DKK2: variants seen among roughly 807,000 people sequenced by gnomAD.
DKK2 encodes the protein dickkopf-related protein 2.
A neutral mutation model predicts 28.1 loss-of-function variants in DKK2; 11 were observed. The ratio of observed to expected loss-of-function variants is 0.39; its 90% confidence interval spans 0.25 to 0.65. The LOEUF (loss-of-function observed/expected upper bound fraction) is 0.65. DKK2 is among the 30% of genes least tolerant of loss of function. DKK2 has a pLI of 0.47. For missense variants in DKK2, 326 were observed against 335.5 expected, an observed-to-expected ratio of 0.97 and a Z score of 0.22; for synonymous variants, 135 against 126.5, an observed-to-expected ratio of 1.07 and a Z score of -0.45.
intron 1 of DKK2, among the ~76,000 whole-genome samples, chr4:106,948,262 ACAC>A (rs1291447752): frequency 3.3e-5 from 5 of 152,176 alleles, no homozygotes; most frequent in Non-Finnish European, 5.9e-5. Context: ...GCATGTTAAA[ACAC>A]AGGTTGCAGG....
intron 1 of DKK2, among the ~76,000 whole-genome samples, chr4:106,983,533 A>C (rs1723065973): frequency 6.6e-6 from 1 of 152,202 alleles, no homozygotes; most frequent in Non-Finnish European, 1.5e-5. Context: ...GGAAATTAAG[A>C]CTAGGCAGAA....
intron 1 of DKK2, among the ~76,000 whole-genome samples, chr4:106,970,265 GAGAT>G (rs1338572538): frequency 2.0e-5 from 3 of 152,188 alleles, no homozygotes; most frequent in Admixed American, 1.3e-4. Flanking sequence ...TTTAATTAAG[GAGAT>G]AGATAAGCAC....
At chr4:106,935,215 C>A (rs910943055) in intron 1 of DKK2, among the ~76,000 whole-genome samples, 5 of 152,280 alleles carry the variant, frequency 3.3e-5, no homozygotes, top group Admixed American at 2.6e-4. Context: ...GGGTTCATCT[C>A]ACTAGGGAGT....
At chr4:106,948,951 A>G (rs1724818962) in intron 1 of DKK2, among the ~76,000 whole-genome samples, 1 of 152,194 alleles carries the variant, frequency 6.6e-6, no homozygotes, top group Non-Finnish European at 1.5e-5. Flanking sequence ...AATGTATTGA[A>G]GTGCCTGGGA....
intron 1 of DKK2, among the ~76,000 whole-genome samples, chr4:106,928,954 T>C (rs1724462702): frequency 6.6e-6 from 1 of 152,140 alleles, no homozygotes; most frequent in African/African-American, 2.4e-5. Context: ...ACAGTAGTTG[T>C]GGATGACCCT....
At chr4:106,934,084 CACAT>C (rs1458754904) in intron 1 of DKK2, among the ~76,000 whole-genome samples, 13 of 151,108 alleles carry the variant, frequency 8.6e-5, no homozygotes, top group African/African-American at 3.2e-4. Flanking sequence ...CACACACACA[CACAT>C]ATGTATGTAT....
At chr4:106,964,157 T>C (rs892511444) in intron 1 of DKK2, among the ~76,000 whole-genome samples, 6 of 152,162 alleles carry the variant, frequency 3.9e-5, no homozygotes, top group East Asian at 1.9e-4. Flanking sequence ...ATTAATACAA[T>C]AGAAGATTAT....
At chr4:106,933,434 G>T (rs953955445) in intron 1 of DKK2, among the ~76,000 whole-genome samples, 2 of 152,160 alleles carry the variant, frequency 1.3e-5, no homozygotes, top group Non-Finnish European at 2.9e-5. Context: ...TGGTGGTGTT[G>T]AGAATTTCTA....
intron 1 of DKK2, among the ~76,000 whole-genome samples, chr4:106,933,259 C>T (rs1724528605): frequency 6.6e-6 from 1 of 152,178 alleles, no homozygotes; most frequent in African/African-American, 2.4e-5. Flanking sequence ...AATGCCTGGT[C>T]TGTATAAAAT....
chr4:106,946,851 C>T (rs1157567990), intron 1 of DKK2, among the ~76,000 whole-genome samples: 1 of 151,998 alleles, frequency 6.6e-6, no homozygotes, highest in Non-Finnish European at 1.5e-5. Flanking sequence ...GGTGCTCTAC[C>T]TTCTGCTCCT....
chr4:106,990,339 A>G (rs2110361428), intron 1 of DKK2, among the ~76,000 whole-genome samples: 1 of 152,356 alleles, frequency 6.6e-6, no homozygotes, highest in East Asian at 1.9e-4. Flanking sequence ...GTCTGAGGTG[A>G]CCTGAGCAGG....
intron 1 of DKK2, among the ~76,000 whole-genome samples, chr4:106,934,556 C>T (rs977647171): frequency 1.3e-5 from 2 of 152,154 alleles, no homozygotes; most frequent in African/African-American, 4.8e-5. Context: ...ATACACAATG[C>T]ATTGTTTTTA....
intron 1 of DKK2, among the ~76,000 whole-genome samples, chr4:107,009,743 C>T (rs1723489534): frequency 6.6e-6 from 1 of 151,788 alleles, no homozygotes; most frequent in Non-Finnish European, 1.5e-5. Flanking sequence ...TACACAAGCC[C>T]TCACTTTGAC....
At chr4:107,007,300 T>C (rs1723451357) in intron 1 of DKK2, among the ~76,000 whole-genome samples, 1 of 152,112 alleles carries the variant, frequency 6.6e-6, no homozygotes, top group South Asian at 2.1e-4. Context: ...CATATGGTCC[T>C]AAACATTTTA....
At chr4:107,019,362 C>G (rs1723658902) in intron 1 of DKK2, among the ~76,000 whole-genome samples, 1 of 151,946 alleles carries the variant, frequency 6.6e-6, no homozygotes, top group South Asian at 2.1e-4. Context: ...TGCCCAAAAC[C>G]TATATGGTCA....
At chr4:106,941,189 AC>A (rs1176783298) in intron 1 of DKK2, among the ~76,000 whole-genome samples, 2 of 152,154 alleles carry the variant, frequency 1.3e-5, no homozygotes, top group Non-Finnish European at 2.9e-5. Flanking sequence ...ACAGAACTCT[AC>A]CTAACTGATC....
Position 106,925,708 on chromosome 4 carries a change from G to A in DKK2, c.373+91C>T. The stretch of plus-strand genomic sequence containing the variant: ...CTACCAGGCTTCTTATATTTCAGGA[G>A]TCTGAGTAAGGAGACGATAGCCTGA... On this transcript the variant is annotated intron_variant, in intron 2 of 3. Coordinates refer to ENST00000285311, the MANE Select transcript of DKK2 (RefSeq NM_014421.3). 5 of 1,473,534 alleles carry A rather than the reference G, an allele frequency of 3.4e-6. No homozygotes were observed. The South Asian group carries it at 7.1e-5, about 21-fold the overall frequency. The allele number at this position is 1,473,534 out of a possible 1,614,324, so 91.3% of individuals were successfully genotyped here.
intron 1 of DKK2, among the ~76,000 whole-genome samples, chr4:107,024,050 G>T (rs1367644601): frequency 6.6e-6 from 1 of 151,982 alleles, no homozygotes; most frequent in African/African-American, 2.4e-5. Context: ...TATATCCTTT[G>T]TCCTAATCTA....
At chr4:107,002,352 G>C (rs1407011140) in intron 1 of DKK2, among the ~76,000 whole-genome samples, 3 of 152,062 alleles carry the variant, frequency 2.0e-5, no homozygotes, top group Non-Finnish European at 4.4e-5. Flanking sequence ...TTGTTTCTGC[G>C]TTTTACTTGC....
Sources: allele counts gnomAD v4.1 joint callset (sites outside exome capture counted in the v4.1 genomes callset), GRCh38; gene constraint gnomAD v4.1.1; transcripts MANE v1.5; gene names NCBI Gene and HGNC (gene_info 2026-07-23, HGNC 2026-07-21).